WFDC3: variants seen among roughly 807,000 people sequenced by gnomAD.
WFDC3 encodes the protein WAP four-disulfide core domain 3, also known as WAP four-disulfide core domain protein 3.
In WFDC3, 15 loss-of-function variants were observed where a neutral mutation model predicts 25.8. The observed-to-expected ratio is 0.58, with a 90% CI of 0.39 to 0.89. The LOEUF (loss-of-function observed/expected upper bound fraction) is 0.89. Ranked by LOEUF, WFDC3 falls within the 40% of genes least tolerant of loss-of-function variation. The probability of loss-of-function intolerance (pLI) is 0.00; values close to 1 mark genes in which losing one functional copy is unlikely to be tolerated. For missense variants in WFDC3, 264 were observed against 289.8 expected, an observed-to-expected ratio of 0.91 and a Z score of 0.65; for synonymous variants, 103 against 107.1, an observed-to-expected ratio of 0.96 and a Z score of 0.24.
Position 45,787,940 on chromosome 20 carries a change from C to T in WFDC3, c.254G>A (p.Cys85Tyr). 6.2e-7 allele frequency: 1 copy of T among 1,614,028 alleles called. No homozygotes were observed. Among genetic ancestry groups the T allele is most frequent in the Non-Finnish European group, 8.5e-7 (1 of 1,179,978 alleles). The change falls in exon 4 of 7, where the codon TGT becomes TAT. Residue 85 changes from cysteine (C) to tyrosine (Y), a missense_variant. Physicochemically the swap from Cys to Tyr is radical, Grantham distance 194. Transcript: ENST00000243938. ...CTCATCAGTGATGCACCTTTTCAAACAGGATTGTTTCCGAATAACCCTAGG... is the reference window on the plus strand; with the variant it reads ...CTCATCAGTGATGCACCTTTTCAAATAGGATTGTTTCCGAATAACCCTAGG... ...DCPRVIRKQS[C>Y]LKRCITDETC...
intron 1 of WFDC3, among the ~76,000 whole-genome samples, 187 bp downstream of exon 1, chr20:45,791,645 T>C (rs1475594759): frequency 1.3e-5 from 2 of 152,134 alleles, no homozygotes; most frequent in African/African-American, 2.4e-5. Context: ...GGCGCCGCTG[T>C]ACCAAACGCT....
At chr20:45,787,492 C>T (rs1398398855) in intron 4 of WFDC3, among the ~76,000 whole-genome samples, 1 of 151,632 alleles carries the variant, frequency 6.6e-6, no homozygotes, top group Non-Finnish European at 1.5e-5. Context: ...GGAGTTTCGC[C>T]GTGTTAGCCA....
Position 45,775,452 on chromosome 20 carries a change from T to C in WFDC3, c.644A>G (p.Asn215Ser). Reference protein sequence around the residue: ...PPVLPPKLTMNPNWTVRSDSE... With the variant: ...PPVLPPKLTMSPNWTVRSDSE... The stretch of plus-strand genomic sequence containing the variant: ...ATCAGACCTCACAGTCCAGTTGGGG[T>C]TCATGGTCAGTTTTGGGGGCAGGAC... The change falls in exon 6 of 7, where the codon AAC (asparagine) becomes AGC (serine). Residue 215 changes from asparagine (N) to serine (S), a missense_variant. Physicochemically the swap from Asn to Ser is conservative, Grantham distance 46. Transcript: ENST00000243938. 6.2e-7 allele frequency: 1 copy of C among 1,614,062 alleles called. No individual in the cohort carries two copies. The highest frequency in any genetic ancestry group is 8.5e-7 in the Non-Finnish European group (1 of 1,180,010).
chr20:45,789,207 A>T (rs2087063852), intron 2 of WFDC3, 148 bp from the exon 3 acceptor site: 11 of 225,424 alleles, frequency 4.9e-5, no homozygotes, highest in South Asian at 1.5e-4. Flanking sequence ...CTGTCTCTTA[A>T]AAAAAAAAAA....
At chr20:45,791,390 G>A (rs1161313380) in intron 1 of WFDC3, among the ~76,000 whole-genome samples, 3 of 149,456 alleles carry the variant, frequency 2.0e-5, no homozygotes, top group East Asian at 3.9e-4. Flanking sequence ...TCCGCCTCCT[G>A]GGTTCAAGAG....
intron 3 of WFDC3, 133 bp from the exon 4 acceptor site, chr20:45,788,115 C>A: frequency 1.1e-6 from 1 of 893,684 alleles, no homozygotes; most frequent in South Asian, 2.0e-5. Flanking sequence ...AACAGCCTGG[C>A]CAACATGGAG....
chr20:45,787,395 A>G (rs1397937841), intron 4 of WFDC3, among the ~76,000 whole-genome samples: 1 of 139,212 alleles, frequency 7.2e-6, no homozygotes, highest in Admixed American at 8.1e-5. Flanking sequence ...GGTTCACGCC[A>G]TTCTCCTGCT....
chr20:45,785,514 A>T (rs1980631390), intron 4 of WFDC3, among the ~76,000 whole-genome samples: 1 of 152,054 alleles, frequency 6.6e-6, no homozygotes, highest in South Asian at 2.1e-4. Flanking sequence ...GTAAGAAAAA[A>T]AAAAGATTCA....
intron 3 of WFDC3, chr20:45,788,359 C>G (rs1980785102): frequency 6.1e-6 from 1 of 162,890 alleles, no homozygotes. Context: ...CCCACGGGCA[C>G]AGCAGAAGGG....
At chr20:45,777,035 G>T (rs1201552538) in intron 5 of WFDC3, 40 bp downstream of exon 5, 1 of 1,610,944 alleles carries the variant, frequency 6.2e-7, no homozygotes, top group South Asian at 1.1e-5. Flanking sequence ...ACTCTTCTCA[G>T]GAAACACTCA....
In WFDC3 at chr20:45,789,981, T is replaced by A. The variant is rs1399300719; in HGVS notation, c.-6A>T. 10 of 1,613,906 alleles carry A rather than the reference T, an allele frequency of 6.2e-6. No homozygotes were observed. The highest frequency in any genetic ancestry group is 8.5e-6 in the Non-Finnish European group (10 of 1,179,788). ...AAGAGGCAGCTTAACATCATGATGA[T>A]GCTGAGAGTTGGGACAAGAGCTCAG... On this transcript the variant is annotated splice_region_variant and 5_prime_UTR_variant, in exon 2 of 7. Transcript: ENST00000243938.
chr20:45,774,578 C>A (rs1980047970), intron 6 of WFDC3, 134 bp from the exon 7 acceptor site: 1 of 1,143,480 alleles, frequency 8.7e-7, no homozygotes, highest in Non-Finnish European at 1.3e-6. Context: ...GCTTCCCAGA[C>A]AATCCAATCC....
chr20:45,791,171 T>C (rs1980956328), intron 1 of WFDC3, among the ~76,000 whole-genome samples: 1 of 134,664 alleles, frequency 7.4e-6, no homozygotes, highest in Non-Finnish European at 1.5e-5. Context: ...GTGCCTAATA[T>C]GCTTTTTTTT....
intron 4 of WFDC3, among the ~76,000 whole-genome samples, chr20:45,784,804 T>C (rs142404708): frequency 1.3e-5 from 2 of 152,314 alleles, no homozygotes; most frequent in East Asian, 3.9e-4. Flanking sequence ...GAAGTTAATA[T>C]ATACTGAGGG....
rs201147479 is a variant in WFDC3, at chr20:45,777,146, G to T, written c.422C>A (p.Ala141Glu). Reference protein sequence around the residue: ...LPCEELCDGDASCPQGHKCCS... With the variant: ...LPCEELCDGDESCPQGHKCCS... ...GCATTTATGCCCCTGGGGACAGGAT[G>T]CATCCCCATCACACAGCTCCTCACA... Residue 141 changes from alanine (A) to glutamate (E), a missense_variant, in exon 5 of 7, where the codon GCA becomes GAA. Transcript: ENST00000243938. 1.8e-4 allele frequency: 295 copies of T among 1,609,408 alleles called. No individual in the cohort carries two copies. Among genetic ancestry groups the T allele is most frequent in the Admixed American group, 2.5e-4 (15 of 59,320 alleles).
chr20:45,778,290 C>T (rs1156962392), intron 4 of WFDC3, among the ~76,000 whole-genome samples: 1 of 152,180 alleles, frequency 6.6e-6, no homozygotes, highest in Non-Finnish European at 1.5e-5. Context: ...ATGAATGCAG[C>T]TAAATGAATG....
At chr20:45,782,409 C>T (rs1461202366) in intron 4 of WFDC3, among the ~76,000 whole-genome samples, 1 of 151,100 alleles carries the variant, frequency 6.6e-6, no homozygotes, top group Admixed American at 6.6e-5. Flanking sequence ...TGGAGTTTCG[C>T]TCTTGTTGCC....
intron 4 of WFDC3, chr20:45,778,914 T>C (rs1980316614): frequency 6.6e-6 from 1 of 151,742 alleles, no homozygotes; most frequent in Non-Finnish European, 1.5e-5. Flanking sequence ...GTTAGCATCA[T>C]GGAGCCACCA....
At chr20:45,787,094 A>C (rs1284380240) in intron 4 of WFDC3, among the ~76,000 whole-genome samples, 1 of 77,146 alleles carries the variant, frequency 1.3e-5, no homozygotes, top group Non-Finnish European at 2.9e-5. Context: ...ACTCTCTCTC[A>C]AAAAAAAAAA....
Sources: gnomAD v4.1 joint callset for allele counts (sites outside exome capture counted in the v4.1 genomes callset) on GRCh38, gnomAD v4.1.1 for gene constraint, MANE v1.5 for transcripts, NCBI Gene and HGNC (gene_info 2026-07-23, HGNC 2026-07-21) for gene names.